OPCML: variants seen among roughly 807,000 people sequenced by gnomAD.
OPCML encodes opioid binding protein/cell adhesion molecule like, also known as opioid-binding protein/cell adhesion molecule.
A neutral mutation model predicts 37.8 loss-of-function variants in OPCML; 13 were observed. That is an observed-to-expected ratio of 0.34 (90% confidence interval 0.22 to 0.55). The LOEUF is 0.55. Ranked by LOEUF, OPCML falls within the 20% of genes least tolerant of loss-of-function variation. OPCML has a pLI of 0.91. For missense variants in OPCML, 341 were observed against 435.6 expected (o/e 0.78, Z 1.93); for synonymous variants, 176 against 168.8 (o/e 1.04, Z -0.33).
intron 1 of OPCML, among the ~76,000 whole-genome samples, chr11:133,376,138 G>C (rs1482625098): frequency 6.6e-6 from 1 of 152,144 alleles, no homozygotes; most frequent in Non-Finnish European, 1.5e-5. Flanking sequence ...GGCAGATAAT[G>C]AGTCAGATTC....
At chr11:132,536,658 T>C (rs529227441) in intron 3 of OPCML, among the ~76,000 whole-genome samples, 1 of 152,350 alleles carries the variant, frequency 6.6e-6, no homozygotes, top group South Asian at 2.1e-4. Flanking sequence ...GAAAAGACTT[T>C]TAAGGATCCA....
At chr11:133,506,025 AC>A (rs1322410201) in intron 1 of OPCML, among the ~76,000 whole-genome samples, 3 of 152,132 alleles carry the variant, frequency 2.0e-5, no homozygotes, top group African/African-American at 7.2e-5. Flanking sequence ...GTATCAACCA[AC>A]CCAGCTGGAA....
chr11:133,509,639 A>G (rs936086263), intron 1 of OPCML, among the ~76,000 whole-genome samples: 2 of 152,054 alleles, frequency 1.3e-5, no homozygotes, highest in African/African-American at 4.8e-5. Context: ...CTAAGTCGGG[A>G]GCTCCAATCT....
chr11:132,625,302 G>A (rs548054266), intron 3 of OPCML, among the ~76,000 whole-genome samples: 12 of 152,272 alleles, frequency 7.9e-5, no homozygotes, highest in Admixed American at 4.6e-4. Flanking sequence ...GAGCACCAAT[G>A]TAGTAGGTTT....
chr11:133,216,482 T>A (rs1213823921), intron 1 of OPCML, among the ~76,000 whole-genome samples: 1 of 152,226 alleles, frequency 6.6e-6, no homozygotes, highest in African/African-American at 2.4e-5. Flanking sequence ...AATGAGGCAC[T>A]CATTCTTCAG....
chr11:132,771,207 A>G (rs1946624189), intron 2 of OPCML, among the ~76,000 whole-genome samples: 2 of 152,244 alleles, frequency 1.3e-5, no homozygotes, highest in South Asian at 4.1e-4. Flanking sequence ...CTTGGGAGCC[A>G]TCCACCTCAG....
At chr11:132,717,448 G>A (rs756890660) in intron 2 of OPCML, among the ~76,000 whole-genome samples, 6 of 151,960 alleles carry the variant, frequency 3.9e-5, no homozygotes, top group African/African-American at 9.7e-5. Flanking sequence ...AACAAGATAC[G>A]AAATAGTATG....
intron 1 of OPCML, among the ~76,000 whole-genome samples, chr11:133,309,930 T>G (rs1943027665): frequency 6.6e-6 from 1 of 152,210 alleles, no homozygotes; most frequent in South Asian, 2.1e-4. Flanking sequence ...TGGCACATGC[T>G]GACTTTGAGG....
intron 2 of OPCML, among the ~76,000 whole-genome samples, chr11:132,684,668 A>G (rs986993614): frequency 2.6e-5 from 4 of 152,242 alleles, no homozygotes; most frequent in Admixed American, 2.6e-4. Context: ...AGTGCCCAGG[A>G]TGTGCTGAAT....
intron 1 of OPCML, among the ~76,000 whole-genome samples, chr11:133,363,297 C>G (rs917823934): frequency 6.6e-6 from 1 of 152,150 alleles, no homozygotes. Flanking sequence ...AGAACATGAT[C>G]GTGGAAACGA....
intron 2 of OPCML, among the ~76,000 whole-genome samples, chr11:132,668,023 A>T (rs576366607): frequency 6.6e-6 from 1 of 152,356 alleles, no homozygotes; most frequent in Non-Finnish European, 1.5e-5. Context: ...CAAAATATTG[A>T]ATAAAAATAG....
At chr11:132,994,445 T>C (rs1946844591) in intron 1 of OPCML, among the ~76,000 whole-genome samples, 1 of 152,114 alleles carries the variant, frequency 6.6e-6, no homozygotes, top group Admixed American at 6.5e-5. Context: ...TGCTGGGGGC[T>C]CGCCGTGCAG....
intron 2 of OPCML, among the ~76,000 whole-genome samples, chr11:132,790,307 G>A (rs1557468): frequency 0.4 from 60,803 of 151,976 alleles, 12,339 homozygotes; most frequent in Middle Eastern, 0.5. Flanking sequence ...GCAAAGTAGC[G>A]TGGCTAGAAT....
chr11:133,406,958 C>A (rs1297985439), intron 1 of OPCML, among the ~76,000 whole-genome samples: 1 of 152,180 alleles, frequency 6.6e-6, no homozygotes, highest in Non-Finnish European at 1.5e-5. Context: ...TGGAAGACAA[C>A]CTGGAAAGTC....
intron 2 of OPCML, among the ~76,000 whole-genome samples, chr11:132,917,899 C>T (rs542587436): frequency 5.3e-5 from 8 of 152,304 alleles, no homozygotes; most frequent in African/African-American, 1.9e-4. Flanking sequence ...ACTAGATCCA[C>T]TGGGTCTTTA....
rs570465103 is a variant in OPCML, at chr11:133,520,670, C to T, written c.61+11594G>A. Reference sequence around the variant, plus strand: ...ATATTCTGCAGCCAAACACCATTCCCGGAAGTTCTACTTTTAGTAGTGACT... The same window carrying T: ...ATATTCTGCAGCCAAACACCATTCCTGGAAGTTCTACTTTTAGTAGTGACT... On this transcript the variant is annotated intron_variant, in intron 1 of 7. Coordinates refer to ENST00000524381, the MANE Select transcript of OPCML (RefSeq NM_001012393.5). 7.2e-5 allele frequency among the ~76,000 whole-genome samples: 11 copies of T among 152,264 alleles called. No individual in the cohort carries two copies. The East Asian group carries it at 7.7e-4, about 11-fold the overall frequency.
intron 1 of OPCML, among the ~76,000 whole-genome samples, chr11:133,373,428 T>A (rs1007664805): frequency 6.7e-5 from 8 of 120,232 alleles, no homozygotes; most frequent in African/African-American, 2.6e-4. Context: ...AATTAAAATA[T>A]ATATATATAT....
chr11:133,082,507 TGCCACCC>T lies in OPCML; in HGVS notation c.62-139504_62-139498del, dbSNP rs1349594040. On this transcript the variant is annotated intron_variant, in intron 1 of 7. Transcript: ENST00000524381. Reference sequence around the variant, plus strand: ...ACGCTCCCCTCTTCCCTTCCCCACCTGCCACCCTCCCCTCCTCCCCTCCTCATCCTCT... The same window carrying T: ...ACGCTCCCCTCTTCCCTTCCCCACCTTCCCCTCCTCCCCTCCTCATCCTCT... 1.0e-3 allele frequency among the ~76,000 whole-genome samples: 16 copies of T among 15,950 alleles called. 2 individuals carry two copies. The East Asian group carries it at 0.031, about 31-fold the overall frequency. 10.5% of individuals were successfully genotyped at this position (15,950 alleles called of 152,430 possible). A position where few individuals can be genotyped will look rare whatever the true frequency, so the allele number is the denominator to read the frequency against.
chr11:133,140,796 A>C (rs1267179780), intron 1 of OPCML, among the ~76,000 whole-genome samples: 6 of 142,544 alleles, frequency 4.2e-5, no homozygotes, highest in African/African-American at 1.6e-4. Context: ...ACGAAGAAGA[A>C]GAAGAAGAAG....
Sources: allele counts gnomAD v4.1 joint callset (sites outside exome capture counted in the v4.1 genomes callset), GRCh38; gene constraint gnomAD v4.1.1; transcripts MANE v1.5; gene names NCBI Gene and HGNC (gene_info 2026-07-23, HGNC 2026-07-21).